The following CAAP1 variants were observed in gnomAD, a reference collection of about 807,000 sequenced individuals.
CAAP1 encodes the protein conserved anti-apoptotic protein.
CAAP1 carries 20 observed loss-of-function variants against 34.0 expected under a neutral mutation model. The observed-to-expected ratio is 0.59, with a 90% CI of 0.41 to 0.86. CAAP1 has a LOEUF of 0.86. Among genes scored for constraint, CAAP1 ranks in the 40% least tolerant of loss-of-function variants. The pLI is 0.00. For missense variants in CAAP1, 538 were observed against 450.5 expected (o/e 1.19, Z -1.76); for synonymous variants, 213 against 166.7 (o/e 1.28, Z -2.14).
rs534290684 is a variant in CAAP1 at position 26,858,151 on chromosome 9, C to A, written c.739+2915G>T. 7.2e-5 allele frequency among the ~76,000 whole-genome samples: 11 copies of A among 152,314 alleles called. No individual in the cohort carries two copies. The East Asian group carries it at 1.9e-3, about 27-fold the overall frequency. On this transcript the variant is annotated intron_variant, in intron 5 of 5. Transcript: ENST00000333916. ...TGGTCAAGCCATTAAAATGACAATG[C>A]ATTCACAAGGAGCTTATATTCTGCT...
At chr9:26,868,246 G>A (rs1367683872) in intron 4 of CAAP1, among the ~76,000 whole-genome samples, 1 of 152,148 alleles carries the variant, frequency 6.6e-6, no homozygotes, top group East Asian at 1.9e-4. Flanking sequence ...TAAGGATCTT[G>A]AAATGGGGAG....
chr9:26,861,291 G>C, intron 4 of CAAP1, 152 bp from the exon 5 acceptor site: 1 of 559,514 alleles, frequency 1.8e-6, no homozygotes, highest in Non-Finnish European at 3.2e-6. Flanking sequence ...TGGAAGCTCA[G>C]AAACAAGTAT....
At chr9:26,877,919 GTTTTAGTA>G (rs1417710732) in intron 4 of CAAP1, among the ~76,000 whole-genome samples, 8 of 151,500 alleles carry the variant, frequency 5.3e-5, no homozygotes, top group Admixed American at 5.3e-4. Flanking sequence ...ATTTCTTAAT[GTTTTAGTA>G]TTTTACCTCT....
rs148555814 is a variant in CAAP1 at position 26,887,472 on chromosome 9, G to A, written c.345C>T (p.Phe115=). Residue 115 remains phenylalanine (F), a synonymous_variant, in exon 2 of 6, where the codon TTC becomes TTT. Coordinates refer to ENST00000333916, the MANE Select transcript of CAAP1 (RefSeq NM_024828.4). ...YILPTLEKEL[F]LAEHSDLEEG... ...CTTCAAGGTCACTGTGCTCTGCCAA[G>A]AATAATTCTTTTTCCAAAGTTGGCA... 2.9e-5 allele frequency: 47 copies of A among 1,605,622 alleles called. No homozygotes were observed. In the African/African-American group the frequency reaches 5.9e-4, roughly 20 times the overall value.
intron 5 of CAAP1, among the ~76,000 whole-genome samples, chr9:26,848,768 CT>C (rs1188932282): frequency 6.6e-6 from 1 of 152,034 alleles, no homozygotes; most frequent in Non-Finnish European, 1.5e-5. Flanking sequence ...GAGATTGGGT[CT>C]TATGTTGTTT....
chr9:26,848,632 A>C (rs113056574), intron 5 of CAAP1, among the ~76,000 whole-genome samples: 6,428 of 152,304 alleles, frequency 0.042, 460 homozygotes, highest in African/African-American at 0.15. Context: ...AATTTAGAGA[A>C]TCCCACAGCT....
At chr9:26,859,921 C>T (rs1223066006) in intron 5 of CAAP1, among the ~76,000 whole-genome samples, 1 of 152,142 alleles carries the variant, frequency 6.6e-6, no homozygotes, top group Non-Finnish European at 1.5e-5. Flanking sequence ...TTGAACAAAT[C>T]ACTAAATTCG....
intron 4 of CAAP1, among the ~76,000 whole-genome samples, chr9:26,868,043 A>C (rs1162697597): frequency 6.6e-6 from 1 of 152,136 alleles, no homozygotes; most frequent in Non-Finnish European, 1.5e-5. Flanking sequence ...GTACTATTTG[A>C]ATTTATCTAT....
In CAAP1 at chr9:26,892,647, G is replaced by C. The variant is rs1281308186; in HGVS notation, c.69C>G (p.Leu23=). The C allele has an allele frequency of 1.2e-6, 2 of 1,607,982 alleles. No homozygotes were observed. Among genetic ancestry groups the C allele is most frequent in the African/African-American group, 2.7e-5 (2 of 74,898 alleles). Residue 23 remains leucine, a synonymous_variant, in exon 1 of 6, where the codon CTC becomes CTG. Transcript: ENST00000333916. ...KRSSQEAAAA[L]AAPDIVPALA... ...ACGCGGGTACGATGTCCGGGGCCGCGAGCGCTGCGGCCGCCTCCTGACTGC... is the reference window on the plus strand; with the variant it reads ...ACGCGGGTACGATGTCCGGGGCCGCCAGCGCTGCGGCCGCCTCCTGACTGC...
intron 4 of CAAP1, among the ~76,000 whole-genome samples, chr9:26,872,553 A>AATATATATATATATAT (rs145299717): frequency 2.2e-4 from 32 of 142,554 alleles, no homozygotes; most frequent in African/African-American, 6.8e-4. Flanking sequence ...ATATACATAT[A>AATATATATATATATAT]ATATATATAT....
At chr9:26,862,211 A>G (rs1563883735) in intron 4 of CAAP1, among the ~76,000 whole-genome samples, 1 of 152,186 alleles carries the variant, frequency 6.6e-6, no homozygotes, top group East Asian at 1.9e-4. Context: ...TTGGCAATCC[A>G]GGGAAAGATT....
At chr9:26,890,378 G>GAA (rs74178366) in intron 1 of CAAP1, among the ~76,000 whole-genome samples, 19 of 136,320 alleles carry the variant, frequency 1.4e-4, no homozygotes, top group Admixed American at 2.9e-4. Flanking sequence ...CTCAAAAAAA[G>GAA]AAAAAAAAAA....
At chr9:26,850,931 C>T (rs563542209) in intron 5 of CAAP1, among the ~76,000 whole-genome samples, 1 of 152,300 alleles carries the variant, frequency 6.6e-6, no homozygotes, top group South Asian at 2.1e-4. Flanking sequence ...TAGTATTCTA[C>T]TGAACCATTA....
chr9:26,870,514 C>T (rs948782960), intron 4 of CAAP1, among the ~76,000 whole-genome samples: 3 of 149,894 alleles, frequency 2.0e-5, no homozygotes, highest in African/African-American at 4.9e-5. Flanking sequence ...ATTCCCAAGA[C>T]GCCTAGATCT....
At chr9:26,864,212 T>C (rs1823073814) in intron 4 of CAAP1, among the ~76,000 whole-genome samples, 1 of 152,182 alleles carries the variant, frequency 6.6e-6, no homozygotes, top group Admixed American at 6.5e-5. Flanking sequence ...ACTTACTTTA[T>C]TTTACCTCCA....
intron 4 of CAAP1, among the ~76,000 whole-genome samples, chr9:26,884,057 G>C: frequency 6.6e-6 from 1 of 152,140 alleles, no homozygotes; most frequent in East Asian, 1.9e-4. Flanking sequence ...TGTGACACAA[G>C]TATTTATTTT....
intron 5 of CAAP1, among the ~76,000 whole-genome samples, chr9:26,858,196 A>G (rs1371610886): frequency 6.6e-6 from 1 of 152,202 alleles, no homozygotes; most frequent in Non-Finnish European, 1.5e-5. Context: ...CTCACTGTGA[A>G]CAAAAATAGC....
intron 5 of CAAP1, among the ~76,000 whole-genome samples, chr9:26,857,779 G>A (rs1268907441): frequency 1.3e-5 from 2 of 152,078 alleles, no homozygotes; most frequent in East Asian, 1.9e-4. Flanking sequence ...CATTATTAAA[G>A]TGCAGTGGAA....
intron 4 of CAAP1, among the ~76,000 whole-genome samples, chr9:26,862,857 G>A (rs908037097): frequency 4.0e-5 from 6 of 151,762 alleles, no homozygotes; most frequent in African/African-American, 1.2e-4. Flanking sequence ...CTATCTCTTG[G>A]AAAAACACAA....
Sources: gnomAD v4.1 joint callset for allele counts (sites outside exome capture counted in the v4.1 genomes callset) on GRCh38, gnomAD v4.1.1 for gene constraint, MANE v1.5 for transcripts, NCBI Gene and HGNC (gene_info 2026-07-23, HGNC 2026-07-21) for gene names.